The following MIA2 variants were observed in gnomAD, a reference collection of about 807,000 sequenced individuals.
MIA2 encodes the protein melanoma inhibitory activity protein 2.
A neutral mutation model predicts 167.8 loss-of-function variants in MIA2; 127 were observed. The ratio of observed to expected loss-of-function variants is 0.76; its 90% confidence interval spans 0.66 to 0.88. The LOEUF is 0.88. Ranked by LOEUF, MIA2 falls within the 40% of genes least tolerant of loss-of-function variation. The probability of loss-of-function intolerance (pLI) is 0.00; values close to 1 mark genes in which losing one functional copy is unlikely to be tolerated. For missense variants in MIA2, 1,690 were observed against 1,624.7 expected, an observed-to-expected ratio of 1.04 and a Z score of -0.69; for synonymous variants, 552 against 541.9, an observed-to-expected ratio of 1.02 and a Z score of -0.26.
In MIA2 at chr14:39,247,097, G is replaced by A. The variant is rs753470816; in HGVS notation, c.523G>A (p.Glu175Lys). Residue 175 changes from glutamate (E) to lysine (K), a missense_variant, in exon 4 of 29, where the codon GAA becomes AAA. Glu to Lys is a moderately conservative substitution (Grantham distance 56). Transcript: ENST00000640607. ...TGCAACTTATGAAAGTACTTTGTTT[G>A]AAGACCAAGTTCCAGCATTAGAGGC... is the stretch of plus-strand genomic sequence containing the variant. The part of the protein sequence containing the change: ...FYATYESTLF[E>K]DQVPALEAPE... The A allele has an allele frequency of 6.2e-7, 1 of 1,608,570 alleles. No homozygotes were observed. Among genetic ancestry groups the A allele is most frequent in the Non-Finnish European group, 8.5e-7 (1 of 1,178,716 alleles).
chr14:39,298,445 A>AAAT (rs757305309), intron 13 of MIA2, among the ~76,000 whole-genome samples: 1 of 101,310 alleles, frequency 9.9e-6, no homozygotes, highest in Admixed American at 1.1e-4. Flanking sequence ...ATATATATAA[A>AAAT]GATTAGTTTT....
rs1274138002 is a variant in MIA2 at position 39,365,624 on chromosome 14, C to A, written c.2248+16647C>A. Among the ~76,000 whole-genome samples, 4 of 151,588 alleles carry A rather than the reference C, an allele frequency of 2.6e-5. No individual in the cohort carries two copies. The South Asian group carries it at 6.2e-4, about 24-fold the overall frequency. ...ATTTCATGTATTGAATTCTTTCATT[C>A]TAGGATACCTGGGTTTTTAAAAATA... is the stretch of plus-strand genomic sequence containing the variant. On this transcript the variant is annotated intron_variant, in intron 23 of 23. Transcript: ENST00000341502.
rs1259240326 is a variant in MIA2 at position 39,321,017 on chromosome 14, C to T, written c.3457C>T (p.Leu1153Phe). 6.2e-7 allele frequency: 1 copy of T among 1,613,690 alleles called. No homozygotes were observed. The highest frequency in any genetic ancestry group is 1.1e-5 in the South Asian group (1 of 91,050). Residue 1153 changes from leucine to phenylalanine, a missense_variant, in exon 24 of 29, where the codon CTC becomes TTC. Coordinates refer to ENST00000640607, the MANE Select transcript of MIA2 (RefSeq NM_001329214.4). The part of the protein sequence containing the change: ...LSPPTLLEGP[L>F]RLSPLLPGGG... ...TCCTCCAACTTTGTTGGAGGGTCCACTCAGACTCTCACCTTTGCTTCCAGG... is the reference window on the plus strand; with the variant it reads ...TCCTCCAACTTTGTTGGAGGGTCCATTCAGACTCTCACCTTTGCTTCCAGG...
At chr14:39,343,158 T>A (rs2072396022) in intron 25 of MIA2, among the ~76,000 whole-genome samples, 1 of 152,184 alleles carries the variant, frequency 6.6e-6, no homozygotes. Context: ...AATTTTTATT[T>A]TTTTGGGACA....
At chr14:39,339,718 A>G (rs1206028466) in intron 25 of MIA2, among the ~76,000 whole-genome samples, 1 of 152,218 alleles carries the variant, frequency 6.6e-6, no homozygotes, top group Admixed American at 6.5e-5. Context: ...TTTTATATCT[A>G]TACTGTCCAG....
In MIA2 at chr14:39,238,811, A is replaced by AAAAAAAAAAAAAAAAACAAAACAAAAAAC; in HGVS notation, c.250-1750_250-1749insAAAAAAAAAAAAAAAACAAAACAAAAAAC. Among the ~76,000 whole-genome samples the AAAAAAAAAAAAAAAAACAAAACAAAAAAC allele has an allele frequency of 1.8e-4, 19 of 103,628 alleles. 1 individual carries two copies. The highest frequency in any genetic ancestry group is 3.1e-4 in the South Asian group (1 of 3,204). The allele number at this position is 103,628 out of a possible 152,430, so 68.0% of individuals were successfully genotyped here. A position where few individuals can be genotyped will look rare whatever the true frequency, so the allele number is the denominator to read the frequency against. ...CCTGTCTCAAAAAAAAAAAAAAAAA[A>AAAAAAAAAAAAAAAAACAAAACAAAAAAC]CCCAAAAAACAAAAAAACCTAGCTG... On this transcript the variant is annotated intron_variant, in intron 2 of 28. Coordinates refer to ENST00000640607, the MANE Select transcript of MIA2 (RefSeq NM_001329214.4).
chr14:39,362,602 A>G (rs1225908927), intron 23 of MIA2, among the ~76,000 whole-genome samples: 2 of 151,740 alleles, frequency 1.3e-5, no homozygotes, highest in African/African-American at 4.8e-5. Context: ...CTAGTAGTTT[A>G]TCCATTTTGC....
At chr14:39,305,919 A>G (rs2063269031) in intron 17 of MIA2, among the ~76,000 whole-genome samples, 1 of 146,888 alleles carries the variant, frequency 6.8e-6, no homozygotes, top group Non-Finnish European at 1.5e-5. Flanking sequence ...CTAGGCAACC[A>G]AGCGAGACTT....
At chr14:39,351,897 G>A (rs1369108749), downstream of MIA2, among the ~76,000 whole-genome samples, 1 of 152,126 alleles carries the variant, frequency 6.6e-6, no homozygotes, top group African/African-American at 2.4e-5. Context: ...GTGAGCCACC[G>A]CGCCTGGCCA....
intron 23 of MIA2, among the ~76,000 whole-genome samples, chr14:39,357,130 C>T (rs1193811736): frequency 1.3e-5 from 2 of 152,006 alleles, no homozygotes; most frequent in Admixed American, 1.3e-4. Flanking sequence ...TCTCGTTGAT[C>T]TGTCTAATGT....
chr14:39,249,114 C>T (rs2054443383), intron 4 of MIA2, among the ~76,000 whole-genome samples: 1 of 151,982 alleles, frequency 6.6e-6, no homozygotes, highest in Non-Finnish European at 1.5e-5. Flanking sequence ...TTTGTTTTTC[C>T]TAAGAAGAAC....
chr14:39,378,526 G>A (rs1042583901), intron 23 of MIA2, among the ~76,000 whole-genome samples: 102 of 152,292 alleles, frequency 6.7e-4, no homozygotes, highest in African/African-American at 2.3e-3. Context: ...AACAATTGTG[G>A]ATGACAAAAG....
At chr14:39,253,378 T>C (rs2054662347) in intron 6 of MIA2, 1 of 691,548 alleles carries the variant, frequency 1.4e-6, no homozygotes, top group African/African-American at 1.9e-5. Context: ...CTAAGTTTTG[T>C]TGATGTTGAT....
chr14:39,349,506 A>G (rs565451523), intron 28 of MIA2, among the ~76,000 whole-genome samples: 2 of 152,328 alleles, frequency 1.3e-5, no homozygotes, highest in East Asian at 3.8e-4. Flanking sequence ...TTTTATATTC[A>G]TACTTTACTG....
chr14:39,271,088 C>T (rs554577650), intron 6 of MIA2, among the ~76,000 whole-genome samples: 1 of 152,266 alleles, frequency 6.6e-6, no homozygotes, highest in East Asian at 1.9e-4. Context: ...AGAGTTTTAG[C>T]TCTTACGGGA....
At chr14:39,379,877 C>T (rs1295675971) in intron 23 of MIA2, among the ~76,000 whole-genome samples, 1 of 151,780 alleles carries the variant, frequency 6.6e-6, no homozygotes, top group African/African-American at 2.4e-5. Flanking sequence ...CTTAAATTAC[C>T]TTAAATTAAA....
chr14:39,277,912 T>G (rs916100721), intron 7 of MIA2, among the ~76,000 whole-genome samples: 4 of 151,296 alleles, frequency 2.6e-5, no homozygotes, highest in African/African-American at 9.7e-5. Context: ...TTTCTCAGCC[T>G]TTTGAGTAGT....
chr14:39,317,749 G>A (rs979725882), intron 21 of MIA2, among the ~76,000 whole-genome samples, 195 bp from the exon 22 acceptor site: 2 of 152,158 alleles, frequency 1.3e-5, no homozygotes, highest in Non-Finnish European at 2.9e-5. Context: ...AGAGGGTAAA[G>A]AGTGGGTATA....
intron 23 of MIA2, among the ~76,000 whole-genome samples, chr14:39,375,960 T>C (rs913093051): frequency 6.6e-6 from 1 of 152,172 alleles, no homozygotes; most frequent in Non-Finnish European, 1.5e-5. Context: ...TTGATTTTTT[T>C]ATTTTTATTT....
Sources: allele counts gnomAD v4.1 joint callset (sites outside exome capture counted in the v4.1 genomes callset), GRCh38; gene constraint gnomAD v4.1.1; transcripts MANE v1.5; gene names NCBI Gene and HGNC (gene_info 2026-07-23, HGNC 2026-07-21).